Variants in ACSM2B observed in about 807,000 individuals in gnomAD.
ACSM2B encodes acyl-CoA synthetase medium chain family member 2B, also known as acyl-coenzyme A synthetase ACSM2B, mitochondrial.
A neutral mutation model predicts 78.6 loss-of-function variants in ACSM2B; 58 were observed. That is an observed-to-expected ratio of 0.74 (90% CI 0.60 to 0.92). The LOEUF is 0.92. Ranked by LOEUF, ACSM2B falls within the 40% of genes least tolerant of loss-of-function variation. The pLI, the probability that ACSM2B is intolerant of heterozygous loss-of-function variation, is 0.00. For missense variants in ACSM2B, 688 were observed against 711.2 expected, an observed-to-expected ratio of 0.97 and a Z score of 0.37; for synonymous variants, 257 against 256.8, an observed-to-expected ratio of 1.00 and a Z score of -0.01.
chr16:20,566,240 T>G, intron 1 of ACSM2B, among the ~76,000 whole-genome samples: 1 of 102,000 alleles, frequency 9.8e-6, no homozygotes, highest in Admixed American at 1.4e-4. Context: ...ACTGCCTTCA[T>G]GGAAGATTAT....
intron 6 of ACSM2B, among the ~76,000 whole-genome samples, chr16:20,550,876 G>A (rs866869236): frequency 1.3e-5 from 2 of 151,994 alleles, no homozygotes; most frequent in Non-Finnish European, 2.9e-5. Context: ...AAGTTCTATA[G>A]GAAAAAATTC....
chr16:20,560,164 C>T (rs1017053527), intron 2 of ACSM2B, among the ~76,000 whole-genome samples: 1 of 151,002 alleles, frequency 6.6e-6, no homozygotes, highest in Non-Finnish European at 1.5e-5. Context: ...ACACAATCAC[C>T]TGTCATCCCC....
At chr16:20,564,528 A>G in intron 2 of ACSM2B, 141 bp downstream of exon 2, 9 of 1,470,094 alleles carry the variant, frequency 6.1e-6, no homozygotes, top group Non-Finnish European at 8.1e-6. Flanking sequence ...TACTGCCTTC[A>G]TGGAAGATGA....
At chr16:20,541,787 A>C (rs1480089494) in intron 12 of ACSM2B, 1 of 139,822 alleles carries the variant, frequency 7.2e-6, no homozygotes, top group African/African-American at 2.7e-5. Context: ...GGTTCATGTG[A>C]TTCTCCTGCC....
chr16:20,550,675 G>A (rs901861420), intron 6 of ACSM2B, among the ~76,000 whole-genome samples: 1 of 152,120 alleles, frequency 6.6e-6, no homozygotes, highest in African/African-American at 2.4e-5. Context: ...AACCTTTGCT[G>A]CAGCCAAATA....
intron 3 of ACSM2B, among the ~76,000 whole-genome samples, chr16:20,556,789 A>C (rs1278343317): frequency 6.6e-6 from 1 of 152,142 alleles, no homozygotes; most frequent in Non-Finnish European, 1.5e-5. Context: ...CATGGTGGTC[A>C]ATTGAGACAG....
In ACSM2B at chr16:20,536,559, A is replaced by G. The variant is rs1475322466; in HGVS notation, c.*699T>C. 3 of 152,172 alleles carry G rather than the reference A, an allele frequency of 2.0e-5. No homozygotes were observed. The highest frequency in any genetic ancestry group is 4.8e-5 in the African/African-American group (2 of 41,436). 9.4% of individuals were successfully genotyped at this position (152,172 alleles called of 1,614,324 possible). Reference sequence around the variant, plus strand: ...CAGCCCCACACACAAGTCTTCCTGTATGGAGGTCTTCTCCTAGGGTAAAAG... The same window carrying G: ...CAGCCCCACACACAAGTCTTCCTGTGTGGAGGTCTTCTCCTAGGGTAAAAG... On this transcript the variant is annotated 3_prime_UTR_variant, in exon 14 of 14. Coordinates refer to ENST00000329697, the MANE Select transcript of ACSM2B (RefSeq NM_001105069.2).
intron 1 of ACSM2B, among the ~76,000 whole-genome samples, 183 bp downstream of exon 1, chr16:20,576,024 C>T (rs377307637): frequency 2.9e-5 from 4 of 139,254 alleles, no homozygotes; most frequent in South Asian, 2.3e-4. Context: ...CTGCCATAAA[C>T]GTGCCTTTTC....
Position 20,543,251 on chromosome 16 carries a change from G to A in ACSM2B, c.1293C>T (p.Asp431=), listed in dbSNP as rs1210804235. ...CTCCTCGAATGTTGGCTGCTGTCTT[G>A]TCGGGATTTTCCTGGTGACCACAGA... ...GIFSGYVENP[D]KTAANIRGDF... is the part of the protein sequence containing the mutation. Residue 431 remains aspartate, a synonymous_variant, in exon 11 of 14, where the codon GAC becomes GAT. Transcript: ENST00000329697. 1 of 1,609,076 alleles carries A rather than the reference G, an allele frequency of 6.2e-7. No homozygotes were observed. Among genetic ancestry groups the A allele is most frequent in the African/African-American group, 1.4e-5 (1 of 70,592 alleles).
chr16:20,567,517 T>A (rs2015951704), intron 1 of ACSM2B, among the ~76,000 whole-genome samples: 1 of 128,642 alleles, frequency 7.8e-6, no homozygotes, highest in African/African-American at 2.9e-5. Context: ...ATAAATAATA[T>A]ATAAATTATA....
intron 1 of ACSM2B, among the ~76,000 whole-genome samples, chr16:20,572,690 C>G (rs1254949331): frequency 6.6e-6 from 1 of 151,420 alleles, no homozygotes; most frequent in Non-Finnish European, 1.5e-5. Context: ...TTAGATGTCT[C>G]TTCTATCTCA....
rs1473423106 is a variant in ACSM2B at position 20,547,945 on chromosome 16, C to T, written c.1098+117G>A. 2.6e-6 allele frequency: 4 copies of T among 1,549,678 alleles called. No homozygotes were observed. In the African/African-American group the frequency reaches 4.1e-5, roughly 16 times the overall value. On this transcript the variant is annotated intron_variant, in intron 8 of 13. Coordinates refer to ENST00000329697, the MANE Select transcript of ACSM2B (RefSeq NM_001105069.2). ...CAGTACCTGTCCCTTCACAGAGGCT[C>T]AATAAATATTTCTCAAATAAATGAA...
intron 6 of ACSM2B, chr16:20,549,754 C>T (rs970776921): frequency 4.4e-6 from 2 of 449,864 alleles, no homozygotes; most frequent in Non-Finnish European, 8.9e-6. Flanking sequence ...AGACATCAAT[C>T]AAACACATTT....
intron 4 of ACSM2B, among the ~76,000 whole-genome samples, chr16:20,554,867 T>C (rs1357533818): frequency 6.6e-6 from 1 of 152,246 alleles, no homozygotes; most frequent in African/African-American, 2.4e-5. Context: ...TGATTCACTT[T>C]GTGCCCCATA....
At chr16:20,556,034 T>A (rs2015463495) in intron 3 of ACSM2B, among the ~76,000 whole-genome samples, 1 of 152,010 alleles carries the variant, frequency 6.6e-6, no homozygotes, top group Non-Finnish European at 1.5e-5. Flanking sequence ...TTGAAGACAA[T>A]GTGAGATGAT....
intron 1 of ACSM2B, among the ~76,000 whole-genome samples, chr16:20,570,020 C>T (rs1426838231): frequency 1.6e-4 from 25 of 151,834 alleles, no homozygotes; most frequent in Non-Finnish European, 4.4e-5. Flanking sequence ...AACTGTATGA[C>T]TTCCTCTTTA....
In ACSM2B at chr16:20,544,864, T is replaced by G. The variant is rs920220400; in HGVS notation, c.1281+293A>C. On this transcript the variant is annotated intron_variant, in intron 10 of 13. Coordinates refer to ENST00000329697, the MANE Select transcript of ACSM2B (RefSeq NM_001105069.2). ...GGCAGCCCTTGGGGGAATGGTGCTG[T>G]GTATAGTTCAGGGTCAATAATATTT... 4 of 1,068,562 alleles carry G rather than the reference T, an allele frequency of 3.7e-6. No homozygotes were observed. In the African/African-American group the frequency reaches 6.6e-5, roughly 18 times the overall value. The allele number at this position is 1,068,562 out of a possible 1,614,324, so 66.2% of individuals were successfully genotyped here. A position where few individuals can be genotyped will look rare whatever the true frequency, so the allele number is the denominator to read the frequency against.
Position 20,536,449 on chromosome 16 carries a change from A to G in ACSM2B, c.*809T>C, listed in dbSNP as rs2014846844. On this transcript the variant is annotated 3_prime_UTR_variant, in exon 14 of 14. Coordinates refer to ENST00000329697, the MANE Select transcript of ACSM2B (RefSeq NM_001105069.2). ...ATGTGTCTGGGTCAGTGCCTGGCAC[A>G]TGGCAAATGCTTAATAAATGGTGGT... 1 of 152,142 alleles carries G rather than the reference A, an allele frequency of 6.6e-6. No homozygotes were observed. The highest frequency in any genetic ancestry group is 2.1e-4 in the South Asian group (1 of 4,820). 9.4% of individuals were successfully genotyped at this position (152,142 alleles called of 1,614,324 possible). A position where few individuals can be genotyped will look rare whatever the true frequency, so the allele number is the denominator to read the frequency against.
intron 6 of ACSM2B, among the ~76,000 whole-genome samples, chr16:20,551,155 T>C (rs1487592159): frequency 1.3e-5 from 2 of 152,158 alleles, no homozygotes; most frequent in Admixed American, 6.6e-5. Context: ...TCTATGGTGA[T>C]AGATATCAAA....
Sources: gnomAD v4.1 joint callset for allele counts (sites outside exome capture counted in the v4.1 genomes callset) on GRCh38, gnomAD v4.1.1 for gene constraint, MANE v1.5 for transcripts, NCBI Gene and HGNC (gene_info 2026-07-23, HGNC 2026-07-21) for gene names.